UHRF1: variants seen among roughly 807,000 people sequenced by gnomAD.
UHRF1 encodes E3 ubiquitin-protein ligase UHRF1.
Under a neutral mutation model 96.5 loss-of-function variants are expected in UHRF1, and 9 were observed. The ratio of observed to expected loss-of-function variants is 0.09; its 90% CI spans 0.06 to 0.16. The LOEUF (loss-of-function observed/expected upper bound fraction) is 0.16. Ranked by LOEUF, UHRF1 falls within the 10% of genes least tolerant of loss-of-function variation. The probability of loss-of-function intolerance (pLI) is 1.00; values close to 1 mark genes in which losing one functional copy is unlikely to be tolerated. For missense variants in UHRF1, 626 were observed against 1,131.1 expected (o/e 0.55, Z 6.40); for synonymous variants, 455 against 469.9 (o/e 0.97, Z 0.41).
At chr19:4,955,660 C>G (rs1453763547) in intron 15 of UHRF1, among the ~76,000 whole-genome samples, 1 of 152,126 alleles carries the variant, frequency 6.6e-6, no homozygotes, top group African/African-American at 2.4e-5. Flanking sequence ...CTGGGGCAGC[C>G]CCTTGCCCCT....
At chr19:4,909,240 T>TG (rs200074214), upstream of UHRF1, 1,774 of 514,682 alleles carry the variant, frequency 3.4e-3, 26 homozygotes, top group African/African-American at 0.031. Context: ...CCAAGGCTCC[T>TG]GGGGTGTCCA....
intron 16 of UHRF1, among the ~76,000 whole-genome samples, chr19:4,958,044 C>T (rs947749428): frequency 4.6e-5 from 7 of 152,236 alleles, no homozygotes; most frequent in Admixed American, 2.6e-4. Flanking sequence ...TCTCAGACCC[C>T]GTGTTTGTTT....
intron 4 of UHRF1, among the ~76,000 whole-genome samples, 194 bp downstream of exon 4, chr19:4,931,070 C>T (rs544428973): frequency 6.6e-6 from 1 of 152,336 alleles, no homozygotes; most frequent in South Asian, 2.1e-4. Context: ...CGGCTGCCCC[C>T]TCCTGTGTCT....
chr19:4,925,559 T>C (rs1442140613), intron 2 of UHRF1, among the ~76,000 whole-genome samples: 1 of 152,238 alleles, frequency 6.6e-6, no homozygotes, highest in Admixed American at 6.5e-5. Flanking sequence ...TCTTGCTCTG[T>C]TGCCCAGGCT....
rs2033128784 is a variant in UHRF1 at position 4,933,672 on chromosome 19, T to C, written c.785+716T>C. On this transcript the variant is annotated intron_variant, in intron 5 of 16. Transcript: ENST00000650932. Reference sequence around the variant, plus strand: ...TTGGCGACATCACTGTTACCAACTTTCCAGGGACATTCTGTTCATAAACAT... The same window carrying C: ...TTGGCGACATCACTGTTACCAACTTCCCAGGGACATTCTGTTCATAAACAT... 1.3e-5 allele frequency among the ~76,000 whole-genome samples: 2 copies of C among 152,162 alleles called. 1 individual carries two copies. The highest frequency in any genetic ancestry group is 4.1e-4 in the South Asian group (2 of 4,828).
chr19:4,945,831 A>G (rs2033547392), intron 9 of UHRF1, 30 bp from the exon 10 acceptor site: 1 of 1,561,638 alleles, frequency 6.4e-7, no homozygotes, highest in African/African-American at 1.4e-5. Context: ...ATTGCAGAGG[A>G]CACCATGTAT....
chr19:4,947,108 C>A lies in UHRF1; in HGVS notation c.1414C>A (p.His472Asn). 1 of 1,613,040 alleles carries A rather than the reference C, an allele frequency of 6.2e-7. No individual in the cohort carries two copies. Among genetic ancestry groups the A allele is most frequent in the Non-Finnish European group, 8.5e-7 (1 of 1,179,464 alleles). Residue 472 changes from histidine to asparagine, a missense_variant, in exon 11 of 17, where the codon CAT becomes AAT. Physicochemically the swap from His to Asn is moderately conservative, Grantham distance 68 (BLOSUM62 1). Coordinates refer to ENST00000650932, the MANE Select transcript of UHRF1 (RefSeq NM_001048201.3). Reference protein sequence around the residue: ...LAGGYEDDVDHGNFFTYTGSG... With the variant: ...LAGGYEDDVDNGNFFTYTGSG... ...CCAGCCTTCTTGTCTGTTTCAGGACCATGGGAATTTTTTCACATACACGGG... is the reference window on the plus strand; with the variant it reads ...CCAGCCTTCTTGTCTGTTTCAGGACAATGGGAATTTTTTCACATACACGGG...
At chr19:4,913,807 CTT>C (rs11341952) in intron 2 of UHRF1, among the ~76,000 whole-genome samples, 1,800 of 109,992 alleles carry the variant, frequency 0.016, 25 homozygotes, top group African/African-American at 0.068. Context: ...CATGCAGTAG[CTT>C]TTTTTTTTTT....
intron 5 of UHRF1, among the ~76,000 whole-genome samples, chr19:4,939,836 A>C (rs573254429): frequency 6.6e-6 from 1 of 152,160 alleles, no homozygotes; most frequent in African/African-American, 2.4e-5. Context: ...CATCCTGGCA[A>C]ACACGGTGAA....
At chr19:4,942,174 A>T (rs911654535) in intron 7 of UHRF1, among the ~76,000 whole-genome samples, 2 of 151,628 alleles carry the variant, frequency 1.3e-5, no homozygotes, top group African/African-American at 4.8e-5. Context: ...TTTGAGACGG[A>T]GTCTTTTTTC....
At chr19:4,909,735 G>T in intron 1 of UHRF1, 80 bp downstream of exon 1, 2 of 489,792 alleles carry the variant, frequency 4.1e-6, no homozygotes, top group Middle Eastern at 5.2e-4. Flanking sequence ...TTTCCCGCGC[G>T]GCCAGCCCGG....
upstream of UHRF1, chr19:4,909,325 G>A: frequency 1.7e-6 from 1 of 577,330 alleles, no homozygotes; most frequent in Non-Finnish European, 3.0e-6. Flanking sequence ...GCGCAGGGCT[G>A]GGCGGAGCCG....
intron 7 of UHRF1, among the ~76,000 whole-genome samples, chr19:4,942,295 A>C (rs1180952795): frequency 2.0e-5 from 3 of 151,494 alleles, no homozygotes; most frequent in Non-Finnish European, 4.4e-5. Context: ...GGTTCACGCC[A>C]TTCTCCTGCC....
chr19:4,941,400 T>C, intron 5 of UHRF1, 128 bp from the exon 6 acceptor site: 2 of 686,798 alleles, frequency 2.9e-6, no homozygotes, highest in Non-Finnish European at 5.1e-6. Context: ...TGAGTGCAGC[T>C]TTGATTGCTA....
At position 4,909,535 on chromosome 19, in the gene UHRF1, G is replaced by T; in HGVS notation, c.-131G>T. ...GGCAGCGCGGCGGGCAGCGTTTGCCGAGCGGGCGCTCCGGGTCGCACGCAA... is the reference window on the plus strand; with the variant it reads ...GGCAGCGCGGCGGGCAGCGTTTGCCTAGCGGGCGCTCCGGGTCGCACGCAA... On this transcript the variant is annotated 5_prime_UTR_variant, in exon 1 of 17. Transcript: ENST00000650932. 1.5e-6 allele frequency: 1 copy of T among 659,854 alleles called. No homozygotes were observed. Among genetic ancestry groups the T allele is most frequent in the Non-Finnish European group, 2.7e-6 (1 of 366,154 alleles). 40.9% of individuals were successfully genotyped at this position (659,854 alleles called of 1,614,324 possible).
At chr19:4,958,960 T>TC (rs1599307091) in intron 16 of UHRF1, among the ~76,000 whole-genome samples, 2 of 128,292 alleles carry the variant, frequency 1.6e-5, no homozygotes, top group African/African-American at 6.5e-5. Context: ...AGATTCTGTC[T>TC]CAAAAAAAAA....
At chr19:4,947,993 A>G (rs1291034244) in intron 11 of UHRF1, among the ~76,000 whole-genome samples, 1 of 149,866 alleles carries the variant, frequency 6.7e-6, no homozygotes, top group Non-Finnish European at 1.5e-5. Flanking sequence ...AGTCACAGCT[A>G]GTCAGGAGGC....
rs201863626 is a variant in UHRF1 at position 4,944,420 on chromosome 19, C to T, written c.1275C>T (p.Pro425=). ...ACTACGGACCCATCCCGGGGATCCC[C>T]GTGGGCACCATGTGGCGGTTCCGAG... is the stretch of plus-strand genomic sequence containing the variant. ...SNHYGPIPGI[P]VGTMWRFRVQ... is the part of the protein sequence containing the mutation. Residue 425 remains proline, a synonymous_variant, in exon 9 of 17, where the codon CCC becomes CCT. Transcript: ENST00000650932. 5.4e-5 allele frequency: 87 copies of T among 1,613,880 alleles called. No homozygotes were observed. The highest frequency in any genetic ancestry group is 1.2e-4 in the South Asian group (11 of 91,094).
chr19:4,915,323 G>A (rs2032450903), intron 2 of UHRF1, among the ~76,000 whole-genome samples: 1 of 152,214 alleles, frequency 6.6e-6, no homozygotes, highest in South Asian at 2.1e-4. Context: ...CGCGGCCTCT[G>A]TTAGGGTGAC....
Sources: allele counts gnomAD v4.1 joint callset (sites outside exome capture counted in the v4.1 genomes callset), GRCh38; gene constraint gnomAD v4.1.1; transcripts MANE v1.5; gene names NCBI Gene and HGNC (gene_info 2026-07-23, HGNC 2026-07-21).